The following GPAM variants were observed in gnomAD, a reference collection of about 807,000 sequenced individuals.
GPAM encodes the protein glycerol-3-phosphate acyltransferase, mitochondrial, also known as glycerol-3-phosphate acyltransferase 1, mitochondrial.
GPAM carries 56 observed loss-of-function variants against 105.0 expected under a neutral mutation model. That is an observed-to-expected ratio of 0.53 (90% CI 0.43 to 0.67). The LOEUF is 0.67. Among genes scored for constraint, GPAM ranks in the 30% least tolerant of loss-of-function variants. The pLI is 0.00. For synonymous variants in GPAM, 368 were observed against 354.4 expected (o/e 1.04, Z -0.43); for missense variants, 855 against 989.8 (o/e 0.86, Z 1.83).
intron 1 of GPAM, among the ~76,000 whole-genome samples, chr10:112,214,082 C>T (rs986503975): frequency 2.6e-5 from 4 of 152,154 alleles, no homozygotes; most frequent in Non-Finnish European, 5.9e-5. Flanking sequence ...AGGACCACAG[C>T]AGTCAGCACA....
the GPAM span, among the ~76,000 whole-genome samples, chr10:112,224,319 A>C: frequency 2.0e-5 from 3 of 152,188 alleles, no homozygotes; most frequent in Non-Finnish European, 4.4e-5. Flanking sequence ...TTGCAGCAAG[A>C]ACAACTAGGC....
chr10:112,158,264 A>G (rs964597775), intron 18 of GPAM, 52 bp downstream of exon 18: 2 of 1,055,230 alleles, frequency 1.9e-6, no homozygotes, highest in African/African-American at 3.1e-5. Flanking sequence ...AGAAAAGGTA[A>G]GGGAATGAAG....
intron 1 of GPAM, among the ~76,000 whole-genome samples, chr10:112,212,083 T>C (rs2133307677): frequency 6.6e-6 from 1 of 152,192 alleles, no homozygotes; most frequent in South Asian, 2.1e-4. Flanking sequence ...GGCATAAGTG[T>C]GGAGCCCACA....
intron 2 of GPAM, among the ~76,000 whole-genome samples, chr10:112,182,382 C>T (rs191586698): frequency 5.9e-5 from 9 of 152,230 alleles, no homozygotes; most frequent in African/African-American, 2.2e-4. Flanking sequence ...AAAGGTAATA[C>T]AAAGCTACAA....
intron 1 of GPAM, among the ~76,000 whole-genome samples, chr10:112,191,781 G>C (rs1488592654): frequency 6.6e-6 from 1 of 152,174 alleles, no homozygotes; most frequent in Non-Finnish European, 1.5e-5. Context: ...TCCAAGAAAA[G>C]AGTGGAGGCC....
At chr10:112,186,703 C>T (rs1026131881), upstream of GPAM, among the ~76,000 whole-genome samples, 14 of 152,142 alleles carry the variant, frequency 9.2e-5, no homozygotes, top group South Asian at 4.2e-4. Flanking sequence ...CCCGCCACAA[C>T]GCCCAGCTAA....
chr10:112,193,594 A>C (rs992665297), intron 1 of GPAM, among the ~76,000 whole-genome samples: 10 of 152,338 alleles, frequency 6.6e-5, no homozygotes, highest in East Asian at 1.9e-4. Flanking sequence ...AGGCACCAGG[A>C]GAGGTCAGAA....
chr10:112,155,765 G>T, intron 20 of GPAM, 99 bp downstream of exon 20: 1 of 716,458 alleles, frequency 1.4e-6, no homozygotes, highest in Non-Finnish European at 2.4e-6. Flanking sequence ...TTAGAGGTCA[G>T]GATAAGTTTG....
At chr10:112,223,209 C>T in the GPAM span, among the ~76,000 whole-genome samples, 1 of 152,170 alleles carries the variant, frequency 6.6e-6, no homozygotes, top group Non-Finnish European at 1.5e-5. Flanking sequence ...CCTAATTCTG[C>T]TCCATTTCCT....
intron 9 of GPAM, among the ~76,000 whole-genome samples, chr10:112,169,969 G>A (rs1847285457): frequency 6.6e-6 from 1 of 152,186 alleles, no homozygotes; most frequent in African/African-American, 2.4e-5. Flanking sequence ...CTGATGATCT[G>A]TCACTGTCTC....
chr10:112,154,177 T>G (rs1246201738), intron 21 of GPAM: 1 of 192,042 alleles, frequency 5.2e-6, no homozygotes, highest in African/African-American at 2.4e-5. Context: ...TCTGAAAGAT[T>G]TTGAACATCA....
intron 14 of GPAM, among the ~76,000 whole-genome samples, chr10:112,162,723 C>A (rs542060611): frequency 2.6e-5 from 4 of 152,052 alleles, no homozygotes; most frequent in Admixed American, 1.3e-4. Context: ...GAAAGCTGCA[C>A]AATACAAAAC....
chr10:112,179,931 G>T (rs561027292), intron 4 of GPAM, among the ~76,000 whole-genome samples: 2 of 151,946 alleles, frequency 1.3e-5, no homozygotes, highest in Non-Finnish European at 2.9e-5. Flanking sequence ...TAATGCAAAA[G>T]ATATTGCATG....
the GPAM span, among the ~76,000 whole-genome samples, chr10:112,221,377 C>G: frequency 7.9e-5 from 12 of 152,138 alleles, no homozygotes; most frequent in Non-Finnish European, 1.6e-4. Flanking sequence ...CTTCTGTAAT[C>G]TAGAGTCATC....
At chr10:112,219,817 C>T (rs1321390078), upstream of GPAM, among the ~76,000 whole-genome samples, 1 of 152,188 alleles carries the variant, frequency 6.6e-6, no homozygotes, top group Admixed American at 6.5e-5. Context: ...TGCCCTTAAT[C>T]ATTCCTGGGG....
rs754092463 is a variant in GPAM, at chr10:112,152,685, C to T, written c.*865G>A. 1 of 985,232 alleles carries T rather than the reference C, an allele frequency of 1.0e-6. No individual in the cohort carries two copies. Among genetic ancestry groups the T allele is most frequent in the Non-Finnish European group, 1.2e-6 (1 of 829,794 alleles). 61.0% of individuals were successfully genotyped at this position (985,232 alleles called of 1,614,324 possible). On this transcript the variant is annotated 3_prime_UTR_variant, in exon 22 of 22. Coordinates refer to ENST00000348367, the MANE Select transcript of GPAM (RefSeq NM_001244949.2). ...GGAGGATTTCCAAGAAACAGCTGTA[C>T]CTGTGAGAGGCAGGTATTACCTGAG...
At chr10:112,181,882 G>C in intron 2 of GPAM, 69 bp from the exon 3 acceptor site, 1 of 736,496 alleles carries the variant, frequency 1.4e-6, no homozygotes, top group Non-Finnish European at 2.5e-6. Flanking sequence ...TCAAAATTCT[G>C]ATTTCTACAT....
In GPAM at chr10:112,160,610, T is replaced by C; in HGVS notation, c.1753A>G (p.Ile585Val). 1 of 1,612,878 alleles carries C rather than the reference T, an allele frequency of 6.2e-7. No individual in the cohort carries two copies. The highest frequency in any genetic ancestry group is 2.2e-5 in the East Asian group (1 of 44,886). The part of the protein sequence containing the change: ...GVLHVFIMEA[I>V]IACSLYAVLN... ...ATTTCAAGGTCTGACATACCTATGA[T>C]GGCCTCCATGATAAAGACATGAAGT... Residue 585 changes from isoleucine to valine, a missense_variant, in exon 16 of 22, where the codon ATC becomes GTC. Transcript: ENST00000348367.
rs749312011 is a variant in GPAM at position 112,157,227 on chromosome 10, C to T, written c.2121+22G>A. The T allele has an allele frequency of 1.2e-5, 20 of 1,607,176 alleles. No individual in the cohort carries two copies. In the South Asian group the frequency reaches 2.0e-4, roughly 16 times the overall value. On this transcript the variant is annotated intron_variant, in intron 19 of 21. Coordinates refer to ENST00000348367, the MANE Select transcript of GPAM (RefSeq NM_001244949.2). The stretch of plus-strand genomic sequence containing the variant: ...CCTCAACATATCCCTGTAATATCCA[C>T]CAGAATTCTTCACCCAAGTACCTTC...
Sources: allele counts gnomAD v4.1 joint callset (sites outside exome capture counted in the v4.1 genomes callset), GRCh38; gene constraint gnomAD v4.1.1; transcripts MANE v1.5; gene names NCBI Gene and HGNC (gene_info 2026-07-23, HGNC 2026-07-21).